Variants in TUBA4B observed in about 807,000 individuals in gnomAD.
TUBA4B encodes the protein tubulin alpha 4b.
A neutral mutation model predicts 18.4 loss-of-function variants in TUBA4B; 13 were observed. That is an observed-to-expected ratio of 0.71 (90% confidence interval 0.46 to 1.12). The LOEUF (loss-of-function observed/expected upper bound fraction) is 1.12, where lower values mean the gene tolerates loss of function less well. Among genes scored for constraint, TUBA4B ranks in the 50% most tolerant of loss-of-function variants. The pLI, the probability that TUBA4B is intolerant of heterozygous loss-of-function variation, is 0.00. For missense variants in TUBA4B, 244 were observed against 250.0 expected, an observed-to-expected ratio of 0.98 and a Z score of 0.16; for synonymous variants, 101 against 99.1, an observed-to-expected ratio of 1.02 and a Z score of -0.11.
At chr2:219,255,590 G>A (rs1486648069) in intron 1 of TUBA4B, among the ~76,000 whole-genome samples, 2 of 151,900 alleles carry the variant, frequency 1.3e-5, no homozygotes, top group East Asian at 1.9e-4. Context: ...GATTTGTCTT[G>A]AACTCCTGAG....
intron 1 of TUBA4B, among the ~76,000 whole-genome samples, chr2:219,262,407 C>A (rs539439024): frequency 6.6e-6 from 1 of 152,232 alleles, no homozygotes; most frequent in Non-Finnish European, 1.5e-5. Context: ...CCCTGCATAT[C>A]TTTCTGTTCC....
In TUBA4B at chr2:219,253,930, T is replaced by C. The variant is rs966753720; in HGVS notation, c.12+511T>C. The C allele has an allele frequency of 4.0e-6, 4 of 1,007,950 alleles. No homozygotes were observed. The African/African-American group carries it at 5.2e-5, about 13-fold the overall frequency. 62.4% of individuals were successfully genotyped at this position (1,007,950 alleles called of 1,614,324 possible). ...TCAGTGAGAACTGCGCTAGCTGCAG[T>C]GCCGCACCGCCCTTATAGGCGGGGG... On this transcript the variant is annotated intron_variant, in intron 1 of 3. Coordinates refer to ENST00000490341, the MANE Select transcript of TUBA4B (RefSeq NM_001355221.1).
chr2:219,258,679 TG>T (rs1245450843), intron 1 of TUBA4B, among the ~76,000 whole-genome samples: 3 of 152,090 alleles, frequency 2.0e-5, no homozygotes, highest in African/African-American at 7.2e-5. Flanking sequence ...AGATAACAAA[TG>T]TGTGTTGTTT....
intron 1 of TUBA4B, chr2:219,253,920 C>T: frequency 1.5e-6 from 2 of 1,346,406 alleles, no homozygotes; most frequent in Non-Finnish European, 1.9e-6. Context: ...GAGAACTGCG[C>T]TAGCTGCAGT....
chr2:219,259,776 C>T lies in TUBA4B; in HGVS notation c.12+6357C>T, dbSNP rs116007163. Among the ~76,000 whole-genome samples the T allele has an allele frequency of 2.9e-3, 442 of 152,246 alleles. 3 individuals are homozygous for T. The highest frequency in any genetic ancestry group is 9.5e-3 in the African/African-American group (395 of 41,552). ...TGACTCCATCTGGGAGAGATAGAGC[C>T]ACAGCCTTAGTGATGTGCATCCTTC... On this transcript the variant is annotated intron_variant, in intron 1 of 3. Transcript: ENST00000490341.
Position 219,259,003 on chromosome 2 carries a change from C to T in TUBA4B, c.12+5584C>T, listed in dbSNP as rs919562857. ...TGCAGGAAGAAATGCCCAAGATGGC[C>T]GGGAGCAGTGGCTCCCTCCTGTAAA... On this transcript the variant is annotated intron_variant, in intron 1 of 3. Transcript: ENST00000490341. Among the ~76,000 whole-genome samples the T allele has an allele frequency of 4.6e-5, 7 of 152,004 alleles. No homozygotes were observed. The East Asian group carries it at 9.7e-4, about 21-fold the overall frequency.
At chr2:219,257,731 C>A (rs970002734) in intron 1 of TUBA4B, among the ~76,000 whole-genome samples, 1 of 149,816 alleles carries the variant, frequency 6.7e-6, no homozygotes, top group Non-Finnish European at 1.5e-5. Context: ...GCAGGAGAAT[C>A]GCTTGAACCA....
chr2:219,266,193 T>G, intron 1 of TUBA4B: 1 of 291,144 alleles, frequency 3.4e-6, no homozygotes. Context: ...GGTCTTGATT[T>G]CTAAATCATC....
At chr2:219,264,836 G>C (rs1017551137) in intron 1 of TUBA4B, among the ~76,000 whole-genome samples, 6 of 152,216 alleles carry the variant, frequency 3.9e-5, no homozygotes, top group Admixed American at 3.9e-4. Context: ...AGTGGCTAAT[G>C]GGGGGCTACT....
At position 219,271,165 on chromosome 2, in the gene TUBA4B, G is replaced by T; in HGVS notation, c.193-1G>T. The T allele has an allele frequency of 1.1e-6, 1 of 911,952 alleles. No homozygotes were observed. The highest frequency in any genetic ancestry group is 1.8e-6 in the Non-Finnish European group (1 of 546,874). 56.5% of individuals were successfully genotyped at this position (911,952 alleles called of 1,614,324 possible). A position where few individuals can be genotyped will look rare whatever the true frequency, so the allele number is the denominator to read the frequency against. ...CATTTCCCCTCCCCTTCCCTGTCTAGGCTGACCAGTGCACAGGACTTCAGG... is the reference window on the plus strand; with the variant it reads ...CATTTCCCCTCCCCTTCCCTGTCTATGCTGACCAGTGCACAGGACTTCAGG... On this transcript the variant is annotated splice_acceptor_variant, in intron 3 of 3. Transcript: ENST00000490341. LOFTEE classifies it high-confidence loss of function.
chr2:219,253,455 C>A, intron 1 of TUBA4B, 36 bp downstream of exon 1: 7 of 1,454,792 alleles, frequency 4.8e-6, no homozygotes, highest in Admixed American at 2.0e-5. Flanking sequence ...GCGCCAAGCA[C>A]GTGCTCGGTC....
intron 3 of TUBA4B, 50 bp downstream of exon 3, chr2:219,270,385 G>A: frequency 1.4e-6 from 1 of 702,592 alleles, no homozygotes; most frequent in Non-Finnish European, 2.6e-6. Flanking sequence ...CTGGATTCCT[G>A]TTGTGAGGTA....
At chr2:219,267,710 G>A (rs907864441) in intron 2 of TUBA4B, among the ~76,000 whole-genome samples, 4 of 151,754 alleles carry the variant, frequency 2.6e-5, no homozygotes, top group African/African-American at 7.3e-5. Context: ...GACTACAGGC[G>A]CTTGCCACCA....
At chr2:219,259,580 C>T (rs954720920) in intron 1 of TUBA4B, among the ~76,000 whole-genome samples, 3 of 152,148 alleles carry the variant, frequency 2.0e-5, no homozygotes, top group African/African-American at 7.2e-5. Flanking sequence ...AATTCACTCT[C>T]CCGTTGAATT....
chr2:219,266,167 C>T (rs1490324912), intron 1 of TUBA4B: 3 of 235,060 alleles, frequency 1.3e-5, no homozygotes, highest in Admixed American at 5.2e-5. Flanking sequence ...TGGGTGGGGG[C>T]GGTGCTGGAG....
chr2:219,260,040 T>A (rs1311308041), intron 1 of TUBA4B, among the ~76,000 whole-genome samples: 1 of 152,210 alleles, frequency 6.6e-6, no homozygotes, highest in African/African-American at 2.4e-5. Flanking sequence ...CAGCAGCATT[T>A]CTCATGGTCG....
At position 219,271,943 on chromosome 2, in the gene TUBA4B, T is replaced by A; in HGVS notation, c.*244T>A. 1 of 1,501,682 alleles carries A rather than the reference T, an allele frequency of 6.7e-7. No homozygotes were observed. Among genetic ancestry groups the A allele is most frequent in the Non-Finnish European group, 9.3e-7 (1 of 1,078,002 alleles). The allele number at this position is 1,501,682 out of a possible 1,614,324, so 93.0% of individuals were successfully genotyped here. A position where few individuals can be genotyped will look rare whatever the true frequency, so the allele number is the denominator to read the frequency against. On this transcript the variant is annotated 3_prime_UTR_variant, in exon 4 of 4. Transcript: ENST00000490341. ...TGCTGAGCAACATGACAGCCATCAC[T>A]ATGGCCTGGGCCCGCCTGGACCACA...
chr2:219,260,558 C>T (rs1400280878), intron 1 of TUBA4B, among the ~76,000 whole-genome samples: 1 of 152,208 alleles, frequency 6.6e-6, no homozygotes, highest in Non-Finnish European at 1.5e-5. Context: ...CATGAGACAT[C>T]TCAAACATAA....
chr2:219,271,931 G>A lies in TUBA4B; in HGVS notation c.*232G>A. 6.8e-7 allele frequency: 1 copy of A among 1,468,360 alleles called. No homozygotes were observed. Among genetic ancestry groups the A allele is most frequent in the Non-Finnish European group, 9.5e-7 (1 of 1,047,596 alleles). The allele number at this position is 1,468,360 out of a possible 1,614,324, so 91.0% of individuals were successfully genotyped here. A position where few individuals can be genotyped will look rare whatever the true frequency, so the allele number is the denominator to read the frequency against. ...GTGCCATGTGCATGCTGAGCAACATGACAGCCATCACTATGGCCTGGGCCC... is the reference window on the plus strand; with the variant it reads ...GTGCCATGTGCATGCTGAGCAACATAACAGCCATCACTATGGCCTGGGCCC... On this transcript the variant is annotated 3_prime_UTR_variant, in exon 4 of 4. Coordinates refer to ENST00000490341, the MANE Select transcript of TUBA4B (RefSeq NM_001355221.1).
Sources: allele counts gnomAD v4.1 joint callset (sites outside exome capture counted in the v4.1 genomes callset), GRCh38; gene constraint gnomAD v4.1.1; transcripts MANE v1.5; gene names NCBI Gene and HGNC (gene_info 2026-07-23, HGNC 2026-07-21).